The following TTC16 variants were observed in gnomAD, a reference collection of about 807,000 sequenced individuals.
TTC16 encodes tetratricopeptide repeat protein 16.
In TTC16, 66 loss-of-function variants were observed where a neutral mutation model predicts 80.4. The ratio of observed to expected loss-of-function variants is 0.82; its 90% CI spans 0.67 to 1.01. The LOEUF is 1.01. TTC16 is among the 50% of genes least tolerant of loss of function. The pLI, the probability that TTC16 is intolerant of heterozygous loss-of-function variation, is 0.00. For missense variants in TTC16, 1,070 were observed against 1,103.2 expected (o/e 0.97, Z 0.43); for synonymous variants, 438 against 451.3 (o/e 0.97, Z 0.37).
intron 2 of TTC16, 21 bp from the exon 3 acceptor site, chr9:127,717,313 C>T: frequency 6.2e-7 from 1 of 1,605,222 alleles, no homozygotes; most frequent in Non-Finnish European, 8.5e-7. Context: ...ACCCCTCTGC[C>T]TGTCCCCACT....
chr9:127,725,263 G>A (rs1243021891), intron 9 of TTC16, among the ~76,000 whole-genome samples: 1 of 151,756 alleles, frequency 6.6e-6, no homozygotes, highest in Admixed American at 6.6e-5. Flanking sequence ...GACAGAGTGA[G>A]ACTCTGTCCC....
At position 127,722,166 on chromosome 9, in the gene TTC16, T is replaced by C. The variant is rs903417834; in HGVS notation, c.658-953T>C. Among the ~76,000 whole-genome samples the C allele has an allele frequency of 2.0e-5, 3 of 152,132 alleles. No individual in the cohort carries two copies. The highest frequency in any genetic ancestry group is 6.5e-5 in the Admixed American group (1 of 15,272). ...GTCACACAGCCTGTTCCCAGTGGCA[T>C]TGCCTGGAGCCCAAGGCTGCTTATG... On this transcript the variant is annotated intron_variant, in intron 6 of 13. Coordinates refer to ENST00000373289, the MANE Select transcript of TTC16 (RefSeq NM_144965.3). The surrounding 1 kb of genome is among the most constrained non-coding windows in gnomAD (Gnocchi z 4.2).
intron 4 of TTC16, among the ~76,000 whole-genome samples, chr9:127,719,564 C>T (rs1225337798): frequency 6.6e-6 from 1 of 152,292 alleles, no homozygotes; most frequent in East Asian, 1.9e-4. Flanking sequence ...ACGATCTCGG[C>T]TCACTGTAAC....
Position 127,717,632 on chromosome 9 carries a change from G to A in TTC16, c.286G>A (p.Asp96Asn). 1 of 1,613,640 alleles carries A rather than the reference G, an allele frequency of 6.2e-7. No individual in the cohort carries two copies. Among genetic ancestry groups the A allele is most frequent in the Non-Finnish European group, 8.5e-7 (1 of 1,179,748 alleles). Residue 96 changes from aspartate (D) to asparagine (N), a missense_variant, in exon 4 of 14, where the codon GAC becomes AAC. Coordinates refer to ENST00000373289, the MANE Select transcript of TTC16 (RefSeq NM_144965.3). ...RALHLDPQLVDFYALRAEAYL... is the reference protein window; with the variant it reads ...RALHLDPQLVNFYALRAEAYL... The stretch of plus-strand genomic sequence containing the variant: ...GCCTGGGTCCCCTCACCCTCAGGTG[G>A]ACTTCTATGCCTTACGGGCTGAGGC...
At chr9:127,717,579 AG>A in intron 3 of TTC16, 49 bp from the exon 4 acceptor site, 1 of 1,603,702 alleles carries the variant, frequency 6.2e-7, no homozygotes, top group Non-Finnish European at 8.5e-7. Flanking sequence ...CCTACCCTCC[AG>A]GGGCAGATGG....
rs1162401061 is a variant in TTC16, at chr9:127,731,230, G to A, written c.2447G>A (p.Ser816Asn). The change falls in exon 14 of 14, where the codon AGC becomes AAC. Residue 816 changes from serine (S) to asparagine (N), a missense_variant. Physicochemically the swap from Ser to Asn is conservative, Grantham distance 46 (BLOSUM62 1). Coordinates refer to ENST00000373289, the MANE Select transcript of TTC16 (RefSeq NM_144965.3). Reference sequence around the variant, plus strand: ...TTCTATGACTCAAACTGGAGCCTCAGCAAAACTGAGTATGCCCAAGGCCAG... The same window carrying A: ...TTCTATGACTCAAACTGGAGCCTCAACAAAACTGAGTATGCCCAAGGCCAG... ...EAFYDSNWSL[S>N]KTEYAQGQGQ... 6.2e-7 allele frequency: 1 copy of A among 1,613,184 alleles called. No individual in the cohort carries two copies. The highest frequency in any genetic ancestry group is 8.5e-7 in the Non-Finnish European group (1 of 1,179,958).
At position 127,718,644 on chromosome 9, in the gene TTC16, G is replaced by A. The variant is rs930531522; in HGVS notation, c.426+872G>A. ...GAGTCTTGCTCTGTCACCGAGGCTG[G>A]AGCGCAATGGCGCAATCTCAGCTCA... On this transcript the variant is annotated intron_variant, in intron 4 of 13. Coordinates refer to ENST00000373289, the MANE Select transcript of TTC16 (RefSeq NM_144965.3). This position sits in a 1 kb window ranked among gnomAD's most constrained non-coding sequence, Gnocchi z 4.6. Among the ~76,000 whole-genome samples, 2 of 151,574 alleles carry A rather than the reference G, an allele frequency of 1.3e-5. No individual in the cohort carries two copies. The highest frequency in any genetic ancestry group is 4.8e-5 in the African/African-American group (2 of 41,270).
rs73600072 is a variant in TTC16 at position 127,717,534 on chromosome 9, T to C, written c.283-95T>C. On this transcript the variant is annotated intron_variant, in intron 3 of 13. Transcript: ENST00000373289. The stretch of plus-strand genomic sequence containing the variant: ...AGGGCCACCAAGTCCCTGATGGGAA[T>C]TGGATGTCAACTCTCAGGGGGGTGG... 314 of 1,577,530 alleles carry C rather than the reference T, an allele frequency of 2.0e-4. No homozygotes were observed. The African/African-American group carries it at 3.8e-3, about 19-fold the overall frequency.
At chr9:127,725,981 C>T (rs527457328) in intron 9 of TTC16, among the ~76,000 whole-genome samples, 6 of 152,240 alleles carry the variant, frequency 3.9e-5, no homozygotes, top group African/African-American at 4.8e-5. Flanking sequence ...TCATTTTAGC[C>T]GATGGGTTTA....
rs750338127 is a variant in TTC16, at chr9:127,727,560, G to T, written c.1764+95G>T. On this transcript the variant is annotated intron_variant, in intron 12 of 13. Transcript: ENST00000373289. ...GAAGGATGCAGGCCAGTGGAGTCTG[G>T]CTTCCAGGCCTGGCTCTGCACTCCC... The T allele has an allele frequency of 1.8e-5, 27 of 1,472,172 alleles. No homozygotes were observed. In the African/African-American group the frequency reaches 3.3e-4, roughly 18 times the overall value. 91.2% of individuals were successfully genotyped at this position (1,472,172 alleles called of 1,614,324 possible).
In TTC16 at chr9:127,717,398, C is replaced by A. The variant is rs770032199; in HGVS notation, c.256C>A (p.Arg86Ser). The A allele has an allele frequency of 1.9e-6, 3 of 1,613,252 alleles. No individual in the cohort carries two copies. The highest frequency in any genetic ancestry group is 1.1e-5 in the South Asian group (1 of 91,072). ...DWETAVLLFS[R>S]ALHLDPQLVD... ...GGAGACAGCTGTGCTGCTCTTCTCC[C>A]GCGCACTCCACCTGGACCCACAGCT... Residue 86 changes from arginine to serine, a missense_variant, in exon 3 of 14, where the codon CGC becomes AGC. Arg to Ser is a moderately radical substitution (Grantham distance 110). Coordinates refer to ENST00000373289, the MANE Select transcript of TTC16 (RefSeq NM_144965.3).
chr9:127,717,894 C>G lies in TTC16; in HGVS notation c.426+122C>G, dbSNP rs976944974. ...CCTTGTCCCTGTGTCTGGGTCCCCC[C>G]CGCTGCCCCTCTCACCTCCAAGGCT... On this transcript the variant is annotated intron_variant, in intron 4 of 13. Transcript: ENST00000373289. 8.6e-6 allele frequency: 11 copies of G among 1,282,800 alleles called. No homozygotes were observed. The East Asian group carries it at 1.7e-4, about 20-fold the overall frequency. 79.5% of individuals were successfully genotyped at this position (1,282,800 alleles called of 1,614,324 possible).
intron 13 of TTC16, 101 bp from the exon 14 acceptor site, chr9:127,730,535 C>T: frequency 1.3e-6 from 2 of 1,510,042 alleles, no homozygotes; most frequent in South Asian, 1.3e-5. Context: ...TGCGAAGCCT[C>T]TGGGCCACAG....
At chr9:127,720,815 T>C (rs1385058366) in intron 6 of TTC16, among the ~76,000 whole-genome samples, 25 of 15,710 alleles carry the variant, frequency 1.6e-3, no homozygotes, top group African/African-American at 3.1e-3. Context: ...TCCCTCCTTC[T>C]TTCTTCCCTC....
chr9:127,728,806 A>G (rs1231036088), intron 12 of TTC16: 2 of 152,262 alleles, frequency 1.3e-5, no homozygotes. Flanking sequence ...TAAAGAAGAA[A>G]AGAAAAAAGG....
At chr9:127,717,275 T>A in intron 2 of TTC16, 59 bp from the exon 3 acceptor site, 16 of 1,527,206 alleles carry the variant, frequency 1.0e-5, no homozygotes, top group Non-Finnish European at 1.3e-5. Flanking sequence ...CCCAGCCCTA[T>A]GCCCTGGGCT....
Position 127,723,308 on chromosome 9 carries a change from C to A in TTC16, c.847C>A (p.Leu283Met). 6.2e-7 allele frequency: 1 copy of A among 1,612,862 alleles called. No homozygotes were observed. Among genetic ancestry groups the A allele is most frequent in the Non-Finnish European group, 8.5e-7 (1 of 1,179,946 alleles). The part of the protein sequence containing the change: ...RINRAIENNP[L>M]DPSLFLFRGT... ...CAACCGTGCCATCGAGAACAACCCT[C>A]TGGACCCCAGTCTCTTCCTCTTCCG... The change falls in exon 7 of 14, where the codon CTG (leucine) becomes ATG (methionine). Residue 283 changes from leucine (L) to methionine (M), a missense_variant. Physicochemically the swap from Leu to Met is conservative, Grantham distance 15. Transcript: ENST00000373289.
intron 6 of TTC16, among the ~76,000 whole-genome samples, chr9:127,720,687 C>G (rs2988580): frequency 0.66 from 99,585 of 151,580 alleles, 34,207 homozygotes; most frequent in African/African-American, 0.86. Context: ...GGAGCTCACA[C>G]CCTGGGGGAG....
At chr9:127,717,208 C>T in intron 2 of TTC16, 126 bp from the exon 3 acceptor site, 1 of 1,172,296 alleles carries the variant, frequency 8.5e-7, no homozygotes, top group Non-Finnish European at 1.2e-6. Flanking sequence ...CCTCCCTGGG[C>T]TTCTGTCTAC....
Sources: gnomAD v4.1 joint callset for allele counts (sites outside exome capture counted in the v4.1 genomes callset) on GRCh38, gnomAD v4.1.1 for gene constraint, Gnocchi (gnomAD v3.1) non-coding constraint, MANE v1.5 for transcripts, NCBI Gene and HGNC (gene_info 2026-07-23, HGNC 2026-07-21) for gene names.